Variants in FSTL4 observed in about 807,000 individuals in gnomAD.
The protein encoded by FSTL4 is follistatin-related protein 4.
Under a neutral mutation model 78.2 loss-of-function variants are expected in FSTL4, and 28 were observed. The observed-to-expected ratio is 0.36, with a 90% CI of 0.27 to 0.49. The LOEUF (loss-of-function observed/expected upper bound fraction) is 0.49, where lower values mean the gene tolerates loss of function less well. FSTL4 is among the 20% of genes least tolerant of loss of function. The pLI is 0.98. For missense variants in FSTL4, 922 were observed against 1,084.9 expected, an observed-to-expected ratio of 0.85 and a Z score of 2.11; for synonymous variants, 422 against 440.5, an observed-to-expected ratio of 0.96 and a Z score of 0.53.
At chr5:133,349,360 T>C (rs1047544842) in intron 4 of FSTL4, among the ~76,000 whole-genome samples, 2 of 151,800 alleles carry the variant, frequency 1.3e-5, no homozygotes, top group African/African-American at 4.8e-5. Flanking sequence ...CTCTTCCCTG[T>C]AGCCCCATCT....
At position 133,466,064 on chromosome 5, in the gene FSTL4, C is replaced by T. The variant is rs547063301; in HGVS notation, c.161-65078G>A. On this transcript the variant is annotated intron_variant, in intron 3 of 15. Transcript: ENST00000265342. ...TGGTTGTGAGTGGAAGGAAACGGGA[C>T]ATGGCCTCTGCCATCAAAGTGTTTA... Among the ~76,000 whole-genome samples, 3 of 152,312 alleles carry T rather than the reference C, an allele frequency of 2.0e-5. No individual in the cohort carries two copies. In the East Asian group the frequency reaches 5.8e-4, roughly 29 times the overall value.
At chr5:133,424,486 T>A (rs554319765) in intron 3 of FSTL4, among the ~76,000 whole-genome samples, 1 of 152,346 alleles carries the variant, frequency 6.6e-6, no homozygotes, top group East Asian at 1.9e-4. Flanking sequence ...AGCTTTGCAT[T>A]TCCGAGCAGT....
At chr5:133,603,501 C>T (rs1760913152) in intron 2 of FSTL4, among the ~76,000 whole-genome samples, 1 of 152,196 alleles carries the variant, frequency 6.6e-6, no homozygotes, top group African/African-American at 2.4e-5. Context: ...TAAAATACTT[C>T]ACTAATTCAC....
chr5:133,303,269 C>G (rs1001606070), intron 6 of FSTL4, among the ~76,000 whole-genome samples: 1 of 152,160 alleles, frequency 6.6e-6, no homozygotes, highest in South Asian at 2.1e-4. Context: ...GCCTTTGGGG[C>G]TAAAGAGCTG....
the FSTL4 span, among the ~76,000 whole-genome samples, chr5:133,794,081 G>A: frequency 8.5e-5 from 13 of 152,186 alleles, no homozygotes; most frequent in Non-Finnish European, 1.8e-4. Flanking sequence ...GTGTATGCAC[G>A]CCCTTGAACA....
At chr5:133,523,146 GTC>G (rs1759019085) in intron 3 of FSTL4, among the ~76,000 whole-genome samples, 1 of 152,110 alleles carries the variant, frequency 6.6e-6, no homozygotes, top group Non-Finnish European at 1.5e-5. Context: ...GACGCCAGCC[GTC>G]TCTCTCCCGG....
the FSTL4 span, among the ~76,000 whole-genome samples, chr5:133,797,102 C>T: frequency 2.6e-5 from 4 of 152,296 alleles, no homozygotes; most frequent in East Asian, 7.7e-4. Context: ...CATGGCCTGG[C>T]AAAATACAAT....
the FSTL4 span, among the ~76,000 whole-genome samples, chr5:133,769,487 A>C: frequency 6.6e-6 from 1 of 151,908 alleles, no homozygotes; most frequent in African/African-American, 2.4e-5. Context: ...TGAACATGCC[A>C]CTCTGTAGGG....
chr5:133,270,403 T>C (rs1451407332), intron 6 of FSTL4, among the ~76,000 whole-genome samples: 1 of 152,218 alleles, frequency 6.6e-6, no homozygotes, highest in Non-Finnish European at 1.5e-5. Flanking sequence ...TATTATTCTC[T>C]CTCTGTCAAG....
chr5:133,220,214 GT>G (rs145879520), intron 12 of FSTL4, among the ~76,000 whole-genome samples: 1,927 of 152,358 alleles, frequency 0.013, 35 homozygotes, highest in African/African-American at 0.043. Flanking sequence ...CTATAGTCCT[GT>G]CCTCAAGGAG....
rs1480935082 is a variant in FSTL4, at chr5:133,612,146, G to T, written c.-11+179C>A. 6.6e-6 allele frequency among the ~76,000 whole-genome samples: 1 copy of T among 151,948 alleles called. No individual in the cohort carries two copies. Among genetic ancestry groups the T allele is most frequent in the Non-Finnish European group, 1.5e-5 (1 of 67,930 alleles). On this transcript the variant is annotated intron_variant, in intron 1 of 15. Coordinates refer to ENST00000265342, the MANE Select transcript of FSTL4 (RefSeq NM_015082.2). This position sits in a 1 kb window ranked among gnomAD's most constrained non-coding sequence, Gnocchi z 6.2. ...CCTGGCCCAGCGGTCCCTTCCCCGC[G>T]GGCAAACTTGGCTTTCCCGGCGCGG... is the stretch of plus-strand genomic sequence containing the variant.
At chr5:133,760,977 G>A in the FSTL4 span, among the ~76,000 whole-genome samples, 13 of 152,294 alleles carry the variant, frequency 8.5e-5, no homozygotes, top group East Asian at 2.1e-3. Flanking sequence ...TTTGGGCCCA[G>A]CATGGCGGAA....
intron 3 of FSTL4, among the ~76,000 whole-genome samples, chr5:133,428,737 T>C (rs1251609529): frequency 6.6e-6 from 1 of 152,220 alleles, no homozygotes; most frequent in African/African-American, 2.4e-5. Flanking sequence ...TCTCTCATCC[T>C]GGATGCTCCT....
the FSTL4 span, among the ~76,000 whole-genome samples, chr5:133,746,073 C>G: frequency 6.6e-6 from 1 of 152,134 alleles, no homozygotes; most frequent in Non-Finnish European, 1.5e-5. Context: ...AGTTTTTTAA[C>G]GCCTGAGAAA....
rs577744450 is a variant in FSTL4 at position 133,338,240 on chromosome 5, C to T, written c.410-21588G>A. Among the ~76,000 whole-genome samples, 5 of 152,264 alleles carry T rather than the reference C, an allele frequency of 3.3e-5. No individual in the cohort carries two copies. Among genetic ancestry groups the T allele is most frequent in the Admixed American group, 6.5e-5 (1 of 15,306 alleles). On this transcript the variant is annotated intron_variant, in intron 4 of 15. Coordinates refer to ENST00000265342, the MANE Select transcript of FSTL4 (RefSeq NM_015082.2). This position sits in a 1 kb window ranked among gnomAD's most constrained non-coding sequence, Gnocchi z 4.0. ...GACCCCCCGGGTGTGTGCCCCTATT[C>T]CTGTCTGCTCCATGCTTAGAGGCCC...
intron 7 of FSTL4, among the ~76,000 whole-genome samples, chr5:133,235,044 T>C (rs1426071424): frequency 6.6e-6 from 1 of 152,122 alleles, no homozygotes; most frequent in East Asian, 1.9e-4. Context: ...AAGGCCGTGG[T>C]GGCATGAGGG....
intron 6 of FSTL4, among the ~76,000 whole-genome samples, chr5:133,273,732 G>T (rs1752818012): frequency 6.6e-6 from 1 of 152,174 alleles, no homozygotes; most frequent in East Asian, 1.9e-4. Flanking sequence ...ACAGGCCTTT[G>T]CGTAGCTGAA....
At chr5:133,282,986 T>C (rs376709119) in intron 6 of FSTL4, among the ~76,000 whole-genome samples, 10 of 152,092 alleles carry the variant, frequency 6.6e-5, no homozygotes, top group African/African-American at 2.4e-4. Context: ...GAGAAATGAT[T>C]TGGGAGCAGA....
intron 4 of FSTL4, among the ~76,000 whole-genome samples, chr5:133,397,213 A>G (rs755711599): frequency 2.6e-5 from 4 of 152,252 alleles, no homozygotes; most frequent in African/African-American, 9.6e-5. Flanking sequence ...GTCACAAGAT[A>G]ACTTTGAAAA....
Sources: allele counts gnomAD v4.1 joint callset (sites outside exome capture counted in the v4.1 genomes callset), GRCh38; gene constraint gnomAD v4.1.1; non-coding constraint Gnocchi (gnomAD v3.1); transcripts MANE v1.5; gene names NCBI Gene and HGNC (gene_info 2026-07-23, HGNC 2026-07-21).